The following UACA variants were observed in gnomAD, a reference collection of about 807,000 sequenced individuals.
UACA encodes uveal autoantigen with coiled-coil domains and ankyrin repeats, also known as nuclear membrane binding protein.
UACA carries 112 observed loss-of-function variants against 160.5 expected under a neutral mutation model. The observed-to-expected ratio is 0.70, with a 90% confidence interval of 0.60 to 0.82. UACA has a LOEUF of 0.82. Among genes scored for constraint, UACA ranks in the 40% least tolerant of loss-of-function variants. The pLI is 0.00. For missense variants in UACA, 1,574 were observed against 1,614.6 expected (o/e 0.97, Z 0.43); for synonymous variants, 557 against 568.4 (o/e 0.98, Z 0.29).
chr15:70,703,713 G>C (rs1898444438), intron 1 of UACA, among the ~76,000 whole-genome samples: 1 of 152,154 alleles, frequency 6.6e-6, no homozygotes, highest in South Asian at 2.1e-4. Context: ...CAGGAGATAG[G>C]ATTGTGTGTC....
chr15:70,676,665 C>T (rs926594779), intron 12 of UACA, 74 bp from the exon 13 acceptor site: 5 of 1,296,602 alleles, frequency 3.9e-6, no homozygotes, highest in African/African-American at 2.9e-5. Context: ...TTTTAGAAAA[C>T]GTGAATTGGA....
intron 1 of UACA, chr15:70,703,296 A>G: frequency 7.8e-7 from 1 of 1,282,926 alleles, no homozygotes; most frequent in Non-Finnish European, 1.0e-6. Flanking sequence ...AAAACATTCC[A>G]ACACAAGTGT....
At chr15:70,773,160 C>G in the UACA span, among the ~76,000 whole-genome samples, 3 of 152,074 alleles carry the variant, frequency 2.0e-5, no homozygotes, top group African/African-American at 7.2e-5. Context: ...TGTGACACAG[C>G]AGCCAGGAGA....
intron 17 of UACA, among the ~76,000 whole-genome samples, chr15:70,662,218 C>G (rs1896733984): frequency 1.3e-5 from 2 of 152,130 alleles, no homozygotes; most frequent in South Asian, 4.1e-4. Flanking sequence ...ACACCAATAA[C>G]AGACAAACAG....
At chr15:70,700,033 T>G (rs969622308) in intron 1 of UACA, among the ~76,000 whole-genome samples, 1 of 152,052 alleles carries the variant, frequency 6.6e-6, no homozygotes, top group Non-Finnish European at 1.5e-5. Flanking sequence ...CATCTCCATT[T>G]AGCAGATAAG....
At chr15:70,776,752 C>T in the UACA span, among the ~76,000 whole-genome samples, 2 of 152,008 alleles carry the variant, frequency 1.3e-5, no homozygotes, top group East Asian at 1.9e-4. Flanking sequence ...TTAATGGAGT[C>T]TTTGACCTAT....
intron 11 of UACA, 71 bp from the exon 12 acceptor site, chr15:70,677,211 G>C: frequency 2.5e-6 from 3 of 1,206,608 alleles, no homozygotes; most frequent in Middle Eastern, 2.0e-4. Context: ...ACTTGGCAAA[G>C]ATATTTTAAA....
chr15:70,775,489 T>G, the UACA span, among the ~76,000 whole-genome samples: 15 of 152,134 alleles, frequency 9.9e-5, no homozygotes, highest in Non-Finnish European at 1.5e-5. Context: ...GCCCTTCTCC[T>G]ATGGACCAAA....
At chr15:70,737,709 AAAAAT>A (rs550968633) in intron 1 of UACA, among the ~76,000 whole-genome samples, 18 of 152,292 alleles carry the variant, frequency 1.2e-4, no homozygotes, top group East Asian at 7.7e-4. Context: ...CTCCATCTCA[AAAAAT>A]AAAATAAAAT....
In UACA at chr15:70,668,010, C is replaced by T. The variant is rs754528890; in HGVS notation, c.2674G>A (p.Asp892Asn). 6.2e-7 allele frequency: 1 copy of T among 1,603,438 alleles called. No individual in the cohort carries two copies. Among genetic ancestry groups the T allele is most frequent in the Non-Finnish European group, 8.5e-7 (1 of 1,175,874 alleles). Reference sequence around the variant, plus strand: ...ATTTTTACAAATTCCTGATTTATATCTTCAAATTTTTTCTTCACATCTAAT... The same window carrying T: ...ATTTTTACAAATTCCTGATTTATATTTTCAAATTTTTTCTTCACATCTAAT... ...ELLDVKKKFE[D>N]INQEFVKIKD... is the part of the protein sequence containing the mutation. Residue 892 changes from aspartate (D) to asparagine (N), a missense_variant, in exon 16 of 19, where the codon GAT becomes AAT. Physicochemically the swap from Asp to Asn is conservative, Grantham distance 23 (BLOSUM62 1). Transcript: ENST00000322954.
chr15:70,685,226 T>A (rs538177891), intron 7 of UACA, among the ~76,000 whole-genome samples: 1 of 152,238 alleles, frequency 6.6e-6, no homozygotes, highest in African/African-American at 2.4e-5. Flanking sequence ...TCACAGTACA[T>A]CAGCAAATAC....
chr15:70,695,902 A>C (rs983829625), intron 2 of UACA, among the ~76,000 whole-genome samples: 1 of 152,250 alleles, frequency 6.6e-6, no homozygotes, highest in Non-Finnish European at 1.5e-5. Flanking sequence ...ATGAGAACTG[A>C]CATTCTGTAA....
intron 1 of UACA, among the ~76,000 whole-genome samples, chr15:70,746,257 G>T (rs1310649763): frequency 6.6e-6 from 1 of 152,076 alleles, no homozygotes; most frequent in Admixed American, 6.6e-5. Context: ...CTAATATCCA[G>T]AATCTACATG....
In UACA at chr15:70,741,700, A is replaced by T. The variant is rs79557183; in HGVS notation, c.78+21630T>A. On this transcript the variant is annotated intron_variant, in intron 1 of 18. Transcript: ENST00000322954. Reference sequence around the variant, plus strand: ...CATGAACAATGAAAAGCAATAGTATACTATGTGATTAAAACGTTAGTTTTA... The same window carrying T: ...CATGAACAATGAAAAGCAATAGTATTCTATGTGATTAAAACGTTAGTTTTA... Among the ~76,000 whole-genome samples the T allele has an allele frequency of 3.6e-3, 555 of 152,330 alleles. 3 individuals carry two copies. The highest frequency in any genetic ancestry group is 0.01 in the Middle Eastern group (3 of 294).
the UACA span, among the ~76,000 whole-genome samples, chr15:70,776,676 G>C: frequency 2.0e-5 from 3 of 152,070 alleles, no homozygotes; most frequent in Admixed American, 6.6e-5. Flanking sequence ...TGATCCACCT[G>C]CCTCAGCCTC....
intron 18 of UACA, among the ~76,000 whole-genome samples, chr15:70,657,753 T>C (rs1184415859): frequency 6.6e-6 from 1 of 151,986 alleles, no homozygotes; most frequent in African/African-American, 2.4e-5. Context: ...AATCTGTTGT[T>C]GTTGCTGCTG....
At position 70,664,753 on chromosome 15, in the gene UACA, A is replaced by G. The variant is rs1480459583; in HGVS notation, c.4022T>C (p.Leu1341Pro). The G allele has an allele frequency of 1.2e-6, 2 of 1,613,590 alleles. No homozygotes were observed. Among genetic ancestry groups the G allele is most frequent in the East Asian group, 4.5e-5 (2 of 44,834 alleles). ...LKQALNGLSQ[L>P]TYTSGNPTKR... ...GGTGGGGTTCCCACTTGTGTAGGTG[A>G]GTTGGGAAAGGCCATTGAGTGCCTG... is the stretch of plus-strand genomic sequence containing the variant. The change falls in exon 17 of 19, where the codon CTC becomes CCC. Residue 1341 changes from leucine (L) to proline (P), a missense_variant. Leu to Pro is a moderately conservative substitution (Grantham distance 98). Coordinates refer to ENST00000322954, the MANE Select transcript of UACA (RefSeq NM_018003.4).
At chr15:70,665,345 C>A (rs1209243998) in intron 16 of UACA, among the ~76,000 whole-genome samples, 1 of 152,152 alleles carries the variant, frequency 6.6e-6, no homozygotes, top group Non-Finnish European at 1.5e-5. Context: ...CATTTTTCCA[C>A]CCTGCTTTAA....
intron 1 of UACA, among the ~76,000 whole-genome samples, chr15:70,744,625 T>C (rs1198882676): frequency 6.6e-6 from 1 of 152,186 alleles, no homozygotes; most frequent in Non-Finnish European, 1.5e-5. Flanking sequence ...GAGGGCTGGA[T>C]AATGGTCCTC....
Sources: gnomAD v4.1 joint callset for allele counts (sites outside exome capture counted in the v4.1 genomes callset) on GRCh38, gnomAD v4.1.1 for gene constraint, MANE v1.5 for transcripts, NCBI Gene and HGNC (gene_info 2026-07-23, HGNC 2026-07-21) for gene names.